LRRC4C: variants seen among roughly 807,000 people sequenced by gnomAD.
The protein encoded by LRRC4C is leucine rich repeat containing 4C.
Under a neutral mutation model 33.6 loss-of-function variants are expected in LRRC4C, and 5 were observed. The observed-to-expected ratio is 0.15, with a 90% CI of 0.08 to 0.31. LRRC4C has a LOEUF of 0.31. Ranked by LOEUF, LRRC4C falls within the 10% of genes least tolerant of loss-of-function variation. The probability of loss-of-function intolerance (pLI) is 1.00; values close to 1 mark genes in which losing one functional copy is unlikely to be tolerated. For missense variants in LRRC4C, 560 were observed against 796.7 expected (o/e 0.70, Z 3.58); for synonymous variants, 329 against 302.0 (o/e 1.09, Z -0.93).
At chr11:40,978,053 C>G (rs1478882923) in intron 1 of LRRC4C, among the ~76,000 whole-genome samples, 1 of 152,206 alleles carries the variant, frequency 6.6e-6, no homozygotes, top group Non-Finnish European at 1.5e-5. Flanking sequence ...CCTGTATTTT[C>G]TATCCCTGAC....
intron 5 of LRRC4C, among the ~76,000 whole-genome samples, chr11:40,158,377 T>C (rs1344573558): frequency 3.9e-5 from 6 of 152,106 alleles, no homozygotes; most frequent in African/African-American, 1.4e-4. Flanking sequence ...TTTACTCATG[T>C]AACCAAATAC....
chr11:40,548,389 A>G (rs111880327), intron 3 of LRRC4C, among the ~76,000 whole-genome samples: 2 of 152,168 alleles, frequency 1.3e-5, no homozygotes, highest in African/African-American at 4.8e-5. Flanking sequence ...GAACACACAG[A>G]CAGATCACAC....
intron 2 of LRRC4C, among the ~76,000 whole-genome samples, chr11:40,869,104 A>T (rs1483101689): frequency 6.6e-6 from 1 of 152,096 alleles, no homozygotes; most frequent in Non-Finnish European, 1.5e-5. Flanking sequence ...GAAAACTGAG[A>T]TGGAAAGAAG....
At chr11:40,707,772 T>C (rs1467724023) in intron 2 of LRRC4C, among the ~76,000 whole-genome samples, 1 of 152,210 alleles carries the variant, frequency 6.6e-6, no homozygotes, top group East Asian at 1.9e-4. Context: ...CTGGAATAGT[T>C]TCAGAAGGAA....
At chr11:40,885,301 C>T (rs999505801) in intron 2 of LRRC4C, among the ~76,000 whole-genome samples, 36 of 152,048 alleles carry the variant, frequency 2.4e-4, no homozygotes, top group African/African-American at 8.2e-4. Flanking sequence ...TACTTAAGTC[C>T]TCTTTTTTAG....
chr11:40,505,628 G>T (rs774314806), intron 3 of LRRC4C, among the ~76,000 whole-genome samples: 1 of 152,072 alleles, frequency 6.6e-6, no homozygotes, highest in South Asian at 2.1e-4. Context: ...CCACTCAATG[G>T]TTGACTTTGT....
At chr11:40,203,073 C>T (rs1257467921) in intron 5 of LRRC4C, among the ~76,000 whole-genome samples, 2 of 152,198 alleles carry the variant, frequency 1.3e-5, no homozygotes, top group Admixed American at 6.5e-5. Flanking sequence ...ATCCTAGCCA[C>T]TGTAATATTT....
At position 40,476,348 on chromosome 11, in the gene LRRC4C, T is replaced by TTC. The variant is rs751015953; in HGVS notation, c.-269-156628_-269-156627insGA. ...AGTGCACATTTTTTTTCTTCTTTTTTTTTTTTTTTTTTTTTTTGAGACAGT... is the reference window on the plus strand; with the variant it reads ...AGTGCACATTTTTTTTCTTCTTTTTTTCTTTTTTTTTTTTTTTTTGAGACAGT... On this transcript the variant is annotated intron_variant, in intron 3 of 6. Transcript: ENST00000528697. Among the ~76,000 whole-genome samples the TTC allele has an allele frequency of 2.1e-4, 30 of 143,870 alleles. 1 individual carries two copies. Among genetic ancestry groups the TTC allele is most frequent in the East Asian group, 4.0e-4 (2 of 4,956 alleles). 94.4% of individuals were successfully genotyped at this position (143,870 alleles called of 152,430 possible).
At chr11:40,485,273 G>T (rs1448749760) in intron 3 of LRRC4C, among the ~76,000 whole-genome samples, 1 of 151,596 alleles carries the variant, frequency 6.6e-6, no homozygotes, top group Non-Finnish European at 1.5e-5. Context: ...ACACGTATTT[G>T]CCATCAGTGG....
chr11:40,797,577 A>T (rs1190230741), intron 2 of LRRC4C, among the ~76,000 whole-genome samples: 1 of 152,190 alleles, frequency 6.6e-6, no homozygotes, highest in Admixed American at 6.5e-5. Context: ...TTTATGTGGA[A>T]TCAAATGTAT....
intron 3 of LRRC4C, among the ~76,000 whole-genome samples, chr11:40,588,200 C>G (rs1240032785): frequency 1.3e-5 from 2 of 150,968 alleles, no homozygotes; most frequent in African/African-American, 4.9e-5. Context: ...CTGGTTTAGT[C>G]TTGGGAGAGT....
At chr11:40,443,323 G>T (rs1384227594) in intron 3 of LRRC4C, among the ~76,000 whole-genome samples, 1 of 152,244 alleles carries the variant, frequency 6.6e-6, no homozygotes, top group East Asian at 1.9e-4. Flanking sequence ...TTTCTGTGGC[G>T]GCGCTTTCAT....
intron 2 of LRRC4C, among the ~76,000 whole-genome samples, chr11:40,897,299 A>G (rs1378836530): frequency 2.6e-5 from 4 of 152,210 alleles, no homozygotes; most frequent in Non-Finnish European, 5.9e-5. Flanking sequence ...TTTTAAAAAC[A>G]GGAAAATCAA....
At chr11:40,708,157 A>C (rs1006999038) in intron 2 of LRRC4C, among the ~76,000 whole-genome samples, 1 of 152,140 alleles carries the variant, frequency 6.6e-6, no homozygotes, top group Admixed American at 6.5e-5. Flanking sequence ...TTTTCAAAAA[A>C]TCAACTCCTG....
chr11:40,439,847 C>G (rs544662234), intron 3 of LRRC4C, among the ~76,000 whole-genome samples: 38 of 152,244 alleles, frequency 2.5e-4, no homozygotes, highest in African/African-American at 8.9e-4. Context: ...TGACCCAGGC[C>G]CTACAACTAG....
At chr11:41,413,051 CTTTT>C (rs905490743) in intron 1 of LRRC4C, among the ~76,000 whole-genome samples, 2 of 150,992 alleles carry the variant, frequency 1.3e-5, no homozygotes, top group African/African-American at 4.9e-5. Context: ...TTCTTTTCTT[CTTTT>C]TTTTCTTTTT....
chr11:41,119,541 G>C (rs909631784), intron 1 of LRRC4C, among the ~76,000 whole-genome samples: 1 of 152,192 alleles, frequency 6.6e-6, no homozygotes, highest in Admixed American at 6.5e-5. Context: ...ACCTGTTGGA[G>C]AATCCCTCAA....
chr11:40,626,806 AG>A (rs1238680925), intron 3 of LRRC4C, among the ~76,000 whole-genome samples: 1 of 152,146 alleles, frequency 6.6e-6, no homozygotes, highest in Non-Finnish European at 1.5e-5. Flanking sequence ...TTTCCATCTA[AG>A]TCTCCTCAGA....
At chr11:40,587,979 T>C (rs1002588279) in intron 3 of LRRC4C, among the ~76,000 whole-genome samples, 4 of 152,164 alleles carry the variant, frequency 2.6e-5, no homozygotes, top group African/African-American at 9.7e-5. Flanking sequence ...ATCAGAATGA[T>C]GCTGGCCTCA....
Sources: allele counts gnomAD v4.1 joint callset (sites outside exome capture counted in the v4.1 genomes callset), GRCh38; gene constraint gnomAD v4.1.1; transcripts MANE v1.5; gene names NCBI Gene and HGNC (gene_info 2026-07-23, HGNC 2026-07-21).